The following PARD3 variants were observed in gnomAD, a reference collection of about 807,000 sequenced individuals.
PARD3 encodes the protein partitioning defective 3 homolog.
Under a neutral mutation model 155.4 loss-of-function variants are expected in PARD3, and 75 were observed. The ratio of observed to expected loss-of-function variants is 0.48; its 90% CI spans 0.40 to 0.58. PARD3 has a LOEUF of 0.58. PARD3 is among the 20% of genes least tolerant of loss of function. PARD3 has a pLI of 0.00. For synonymous variants in PARD3, 576 were observed against 610.5 expected, an observed-to-expected ratio of 0.94 and a Z score of 0.83; for missense variants, 1,642 against 1,721.7, an observed-to-expected ratio of 0.95 and a Z score of 0.82.
intron 22 of PARD3, among the ~76,000 whole-genome samples, chr10:34,250,224 G>C (rs1014365246): frequency 6.7e-6 from 1 of 150,316 alleles, no homozygotes; most frequent in Admixed American, 6.6e-5. Flanking sequence ...GAAAAAAAAA[G>C]TTGGATCAAT....
intron 12 of PARD3, among the ~76,000 whole-genome samples, chr10:34,371,122 T>C (rs1564637338): frequency 6.6e-6 from 1 of 152,090 alleles, no homozygotes. Flanking sequence ...CTTTATATTA[T>C]ATATACTCTG....
intron 9 of PARD3, among the ~76,000 whole-genome samples, chr10:34,381,912 C>CAAAAAA (rs202053812): frequency 6.8e-4 from 49 of 71,856 alleles, no homozygotes; most frequent in Non-Finnish European, 9.5e-4. Context: ...GGCCCTGTCT[C>CAAAAAA]AAAAAAAAAA....
chr10:34,759,089 A>G (rs1837097342), intron 1 of PARD3, among the ~76,000 whole-genome samples: 1 of 152,204 alleles, frequency 6.6e-6, no homozygotes, highest in South Asian at 2.1e-4. Context: ...TCCAGTAATC[A>G]AAATTCAATA....
intron 3 of PARD3, among the ~76,000 whole-genome samples, chr10:34,478,207 T>C (rs2078839609): frequency 6.6e-6 from 1 of 152,204 alleles, no homozygotes; most frequent in Non-Finnish European, 1.5e-5. Context: ...GGTTGGAAGA[T>C]GCTTAGTGAT....
chr10:34,806,775 T>C (rs377293891), intron 1 of PARD3, among the ~76,000 whole-genome samples: 3 of 152,170 alleles, frequency 2.0e-5, no homozygotes, highest in African/African-American at 7.2e-5. Context: ...CTGGACCCTG[T>C]ATAACCATCT....
chr10:34,515,981 T>TC (rs1408371547), intron 3 of PARD3, among the ~76,000 whole-genome samples: 1 of 151,818 alleles, frequency 6.6e-6, no homozygotes, highest in Admixed American at 6.6e-5. Context: ...CCTTTTTTTT[T>TC]TCTCTCACTC....
At chr10:34,422,210 G>T (rs2075351665) in intron 5 of PARD3, among the ~76,000 whole-genome samples, 1 of 151,730 alleles carries the variant, frequency 6.6e-6, no homozygotes, top group South Asian at 2.1e-4. Context: ...TAAAGCCAAG[G>T]TATATTTACT....
At position 34,742,718 on chromosome 10, in the gene PARD3, G is replaced by A. The variant is rs561256092; in HGVS notation, c.121-46299C>T. Among the ~76,000 whole-genome samples, 5 of 152,316 alleles carry A rather than the reference G, an allele frequency of 3.3e-5. No homozygotes were observed. The South Asian group carries it at 8.3e-4, about 25-fold the overall frequency. On this transcript the variant is annotated intron_variant, in intron 1 of 24. Transcript: ENST00000374788. ...ACCAGTCACTACTAGGGAGTAAAAC[G>A]TCAAAAAGAGATTGCATTCCTTAAT... is the stretch of plus-strand genomic sequence containing the variant.
intron 22 of PARD3, among the ~76,000 whole-genome samples, chr10:34,241,458 G>T (rs1261348165): frequency 1.3e-5 from 2 of 152,154 alleles, no homozygotes; most frequent in Admixed American, 6.5e-5. Flanking sequence ...AGGGCACAGG[G>T]TGTCTAGTGT....
intron 20 of PARD3, among the ~76,000 whole-genome samples, chr10:34,313,697 T>C (rs1957826820): frequency 6.6e-6 from 1 of 152,198 alleles, no homozygotes; most frequent in African/African-American, 2.4e-5. Context: ...ACCCTCATCA[T>C]ATTTAACCAA....
intron 22 of PARD3, among the ~76,000 whole-genome samples, chr10:34,179,869 C>T (rs886972588): frequency 6.6e-6 from 1 of 152,054 alleles, no homozygotes; most frequent in South Asian, 2.1e-4. Context: ...GGCACATGTG[C>T]AGGTAGCAGG....
intron 20 of PARD3, among the ~76,000 whole-genome samples, chr10:34,286,619 G>C (rs1956405619): frequency 6.6e-6 from 1 of 152,314 alleles, no homozygotes; most frequent in East Asian, 1.9e-4. Flanking sequence ...TCCAGTGATA[G>C]GGCTAGAATG....
At chr10:34,762,990 G>A (rs760785678) in intron 1 of PARD3, among the ~76,000 whole-genome samples, 1 of 152,186 alleles carries the variant, frequency 6.6e-6, no homozygotes, top group Non-Finnish European at 1.5e-5. Flanking sequence ...TCATGCCAGT[G>A]GGGGCACTGA....
chr10:34,757,462 T>C (rs1193591708), intron 1 of PARD3, among the ~76,000 whole-genome samples: 1 of 152,134 alleles, frequency 6.6e-6, no homozygotes, highest in East Asian at 1.9e-4. Flanking sequence ...CCCAACATTT[T>C]GGGAGGCCAA....
At chr10:34,386,441 A>G (rs1842354118) in intron 7 of PARD3, among the ~76,000 whole-genome samples, 3 of 152,202 alleles carry the variant, frequency 2.0e-5, no homozygotes, top group Non-Finnish European at 4.4e-5. Flanking sequence ...TATTGTTTAA[A>G]TGTGATCATG....
chr10:34,729,567 AT>A (rs1317419357), intron 1 of PARD3, among the ~76,000 whole-genome samples: 1 of 151,976 alleles, frequency 6.6e-6, no homozygotes, highest in African/African-American at 2.4e-5. Context: ...ATATGATGCT[AT>A]AAAAAAGGAT....
chr10:34,539,982 C>A lies in PARD3; in HGVS notation c.223-22823G>T, dbSNP rs556211510. Among the ~76,000 whole-genome samples the A allele has an allele frequency of 3.9e-5, 6 of 152,302 alleles. No individual in the cohort carries two copies. The East Asian group carries it at 9.7e-4, about 25-fold the overall frequency. On this transcript the variant is annotated intron_variant, in intron 2 of 24. Coordinates refer to ENST00000374788, the MANE Select transcript of PARD3 (RefSeq NM_001184785.2). The stretch of plus-strand genomic sequence containing the variant: ...AACCATACGCGACTACCTTCCAGAT[C>A]TTCCTATTTCAAAAAGGAGTTCTAG...
intron 16 of PARD3, among the ~76,000 whole-genome samples, chr10:34,340,618 T>C (rs1836704743): frequency 6.6e-6 from 1 of 152,180 alleles, no homozygotes; most frequent in African/African-American, 2.4e-5. Context: ...CAAGAGAACA[T>C]CTTCATAATT....
intron 20 of PARD3, among the ~76,000 whole-genome samples, chr10:34,307,602 G>A (rs1411533697): frequency 2.6e-5 from 4 of 152,136 alleles, no homozygotes; most frequent in African/African-American, 9.7e-5. Flanking sequence ...GGAGACTGGG[G>A]TACATTTACA....
Sources: gnomAD v4.1 joint callset for allele counts (sites outside exome capture counted in the v4.1 genomes callset) on GRCh38, gnomAD v4.1.1 for gene constraint, MANE v1.5 for transcripts, NCBI Gene and HGNC (gene_info 2026-07-23, HGNC 2026-07-21) for gene names.